The following NCOA1 variants were observed in gnomAD, a reference collection of about 807,000 sequenced individuals.
NCOA1 encodes Hin-2 protein.
In NCOA1, 35 loss-of-function variants were observed where a neutral mutation model predicts 150.9. The ratio of observed to expected loss-of-function variants is 0.23; its 90% CI spans 0.18 to 0.31. The LOEUF is 0.31. Ranked by LOEUF, NCOA1 falls within the 10% of genes least tolerant of loss-of-function variation. NCOA1 has a pLI of 1.00. For synonymous variants in NCOA1, 590 were observed against 630.0 expected, an observed-to-expected ratio of 0.94 and a Z score of 0.95; for missense variants, 1,491 against 1,749.3, an observed-to-expected ratio of 0.85 and a Z score of 2.63.
chr2:24,531,882 G>C (rs1312262538), intron 1 of NCOA1, among the ~76,000 whole-genome samples: 1 of 152,176 alleles, frequency 6.6e-6, no homozygotes, highest in Non-Finnish European at 1.5e-5. Flanking sequence ...TTGGTTCCAA[G>C]TCTTTGCTAT....
At chr2:24,495,249 A>C (rs1410010127) in intron 1 of NCOA1, among the ~76,000 whole-genome samples, 1 of 152,168 alleles carries the variant, frequency 6.6e-6, no homozygotes, top group Non-Finnish European at 1.5e-5. Context: ...CCAACATATA[A>C]GTCCAATTCC....
chr2:24,750,135 T>G (rs955870850), intron 19 of NCOA1, among the ~76,000 whole-genome samples: 1 of 152,024 alleles, frequency 6.6e-6, no homozygotes, highest in South Asian at 2.1e-4. Flanking sequence ...CAATGGAAAC[T>G]ATCCAAAATG....
intron 19 of NCOA1, among the ~76,000 whole-genome samples, chr2:24,746,876 T>C (rs1433969627): frequency 6.6e-6 from 1 of 152,128 alleles, no homozygotes; most frequent in African/African-American, 2.4e-5. Flanking sequence ...TAGTTGATAA[T>C]GAGGACAGTT....
chr2:24,667,923 C>T (rs931580648), intron 6 of NCOA1, among the ~76,000 whole-genome samples: 2 of 152,114 alleles, frequency 1.3e-5, no homozygotes, highest in Admixed American at 6.5e-5. Context: ...TTATACCTTC[C>T]TTATTTTCCC....
At chr2:24,592,983 ATAG>A (rs1667722178) in intron 3 of NCOA1, among the ~76,000 whole-genome samples, 1 of 152,002 alleles carries the variant, frequency 6.6e-6, no homozygotes. Flanking sequence ...ATGGTGAGTG[ATAG>A]TAATACTGAC....
intron 1 of NCOA1, among the ~76,000 whole-genome samples, chr2:24,526,319 GTAAACC>G (rs1373307613): frequency 6.6e-6 from 1 of 151,502 alleles, no homozygotes; most frequent in African/African-American, 2.4e-5. Context: ...CTTTGATCAT[GTAAACC>G]TATAGGTTAA....
intron 7 of NCOA1, among the ~76,000 whole-genome samples, chr2:24,681,063 T>TA (rs70947836): frequency 0.66 from 95,345 of 144,718 alleles, 32,615 homozygotes; most frequent in Admixed American, 0.77. Context: ...CATTTTCACA[T>TA]AAAAAAAAAA....
intron 7 of NCOA1, among the ~76,000 whole-genome samples, chr2:24,681,602 G>A (rs566555689): frequency 8.5e-5 from 13 of 152,156 alleles, no homozygotes; most frequent in South Asian, 2.1e-4. Context: ...TTTTTAAAAA[G>A]CAGTTTACTT....
intron 1 of NCOA1, among the ~76,000 whole-genome samples, chr2:24,526,315 T>C (rs1038076454): frequency 6.6e-6 from 1 of 152,124 alleles, no homozygotes; most frequent in Admixed American, 6.5e-5. Context: ...ACTACTTTGA[T>C]CATGTAAACC....
At chr2:24,592,578 A>ATTTTTTT (rs145333073) in intron 3 of NCOA1, among the ~76,000 whole-genome samples, 1 of 103,492 alleles carries the variant, frequency 9.7e-6, no homozygotes, top group African/African-American at 3.7e-5. Context: ...TCCCCTCCTA[A>ATTTTTTT]TTTTTTTTTT....
chr2:24,728,638 AG>A (rs745632483), intron 16 of NCOA1, among the ~76,000 whole-genome samples, 162 bp downstream of exon 16: 49 of 152,280 alleles, frequency 3.2e-4, no homozygotes, highest in South Asian at 4.1e-4. Context: ...TTTAAGAAAA[AG>A]TATTACAGTA....
intron 17 of NCOA1, among the ~76,000 whole-genome samples, chr2:24,734,957 A>G (rs1663221321): frequency 6.6e-6 from 1 of 152,230 alleles, no homozygotes; most frequent in Non-Finnish European, 1.5e-5. Context: ...AATAAGAGAC[A>G]GAGGTGACAA....
At chr2:24,693,730 AT>A (rs5829929) in intron 10 of NCOA1, among the ~76,000 whole-genome samples, 64,913 of 149,788 alleles carry the variant, frequency 0.43, 15,260 homozygotes, top group Admixed American at 0.59. Context: ...GTATCTGGCT[AT>A]TTTTTTTTTT....
intron 1 of NCOA1, among the ~76,000 whole-genome samples, chr2:24,538,133 T>C (rs886065430): frequency 2.6e-5 from 4 of 152,234 alleles, no homozygotes; most frequent in Non-Finnish European, 5.9e-5. Context: ...TCTATTAAAA[T>C]AGCAAGTGTT....
At chr2:24,521,653 T>C (rs896536227) in intron 1 of NCOA1, among the ~76,000 whole-genome samples, 6 of 152,214 alleles carry the variant, frequency 3.9e-5, no homozygotes, top group Non-Finnish European at 8.8e-5. Context: ...TTAGGTTGTT[T>C]TTATATTTTG....
At chr2:24,627,784 TG>T (rs1246512013) in intron 3 of NCOA1, among the ~76,000 whole-genome samples, 2 of 152,170 alleles carry the variant, frequency 1.3e-5, no homozygotes, top group Non-Finnish European at 1.5e-5. Flanking sequence ...GCAGTTTAGG[TG>T]TTAGGTTTAA....
At chr2:24,745,107 T>C in intron 19 of NCOA1, among the ~76,000 whole-genome samples, 1 of 152,034 alleles carries the variant, frequency 6.6e-6, no homozygotes, top group Non-Finnish European at 1.5e-5. Flanking sequence ...CATGCTATGA[T>C]AATGAGTGTA....
At chr2:24,625,050 A>C (rs1016345522) in intron 3 of NCOA1, among the ~76,000 whole-genome samples, 3 of 152,214 alleles carry the variant, frequency 2.0e-5, no homozygotes, top group Non-Finnish European at 2.9e-5. Flanking sequence ...ATGGACAGTG[A>C]AATTGAGTTT....
intron 7 of NCOA1, among the ~76,000 whole-genome samples, chr2:24,678,043 T>C (rs115244606): frequency 0.042 from 6,455 of 152,048 alleles, 201 homozygotes; most frequent in African/African-American, 0.093. Context: ...CTGCCACCCC[T>C]GCCCCCAACA....
Sources: allele counts gnomAD v4.1 joint callset (sites outside exome capture counted in the v4.1 genomes callset), GRCh38; gene constraint gnomAD v4.1.1; transcripts MANE v1.5; gene names NCBI Gene and HGNC (gene_info 2026-07-23, HGNC 2026-07-21).